CAMTA1: variants seen among roughly 807,000 people sequenced by gnomAD.
The protein encoded by CAMTA1 is calmodulin-binding transcription activator 1.
In CAMTA1, 27 loss-of-function variants were observed where a neutral mutation model predicts 170.9. That is an observed-to-expected ratio of 0.16 (90% confidence interval 0.12 to 0.22). The LOEUF (loss-of-function observed/expected upper bound fraction) is 0.22, where lower values mean the gene tolerates loss of function less well. Ranked by LOEUF, CAMTA1 falls within the 10% of genes least tolerant of loss-of-function variation. The pLI is 1.00. For missense variants in CAMTA1, 1,619 were observed against 2,217.2 expected (o/e 0.73, Z 5.42); for synonymous variants, 833 against 891.5 (o/e 0.93, Z 1.17).
At chr1:6,785,984 G>T (rs548482497) in intron 1 of CAMTA1, among the ~76,000 whole-genome samples, 1 of 151,174 alleles carries the variant, frequency 6.6e-6, no homozygotes, top group Non-Finnish European at 1.5e-5. Flanking sequence ...GGGGGCCGCG[G>T]GGCGGAAAGT....
intron 5 of CAMTA1, among the ~76,000 whole-genome samples, chr1:7,373,794 TTC>T (rs889712789): frequency 1.3e-5 from 2 of 152,234 alleles, no homozygotes; most frequent in African/African-American, 4.8e-5. Flanking sequence ...CATTTCATTG[TTC>T]TCAGTGCATG....
At chr1:6,839,242 C>T (rs1242361001) in intron 3 of CAMTA1, among the ~76,000 whole-genome samples, 1 of 151,816 alleles carries the variant, frequency 6.6e-6, no homozygotes, top group Non-Finnish European at 1.5e-5. Flanking sequence ...ATTAGCTGGG[C>T]ATGGTGGCAT....
At position 7,426,579 on chromosome 1, in the gene CAMTA1, C is replaced by T. The variant is rs564149486; in HGVS notation, c.439-41251C>T. 3.3e-5 allele frequency among the ~76,000 whole-genome samples: 5 copies of T among 152,222 alleles called. No homozygotes were observed. The highest frequency in any genetic ancestry group is 3.9e-4 in the East Asian group (2 of 5,168). On this transcript the variant is annotated intron_variant, in intron 5 of 22. Coordinates refer to ENST00000303635, the MANE Select transcript of CAMTA1 (RefSeq NM_015215.4). This position sits in a 1 kb window ranked among gnomAD's most constrained non-coding sequence, Gnocchi z 4.8. The stretch of plus-strand genomic sequence containing the variant: ...AAAAGATTAACTTTAGTGAAAGCTT[C>T]GAGGTTTGGCAAATCCATAATTAAT...
chr1:7,480,211 A>ATG (rs59134069), intron 6 of CAMTA1, among the ~76,000 whole-genome samples: 88,537 of 140,664 alleles, frequency 0.63, 27,446 homozygotes, highest in African/African-American at 0.79. Flanking sequence ...GTGTGAGTGC[A>ATG]TGTGTGTACG....
At chr1:7,109,961 G>T (rs1643912269) in intron 4 of CAMTA1, among the ~76,000 whole-genome samples, 1 of 152,166 alleles carries the variant, frequency 6.6e-6, no homozygotes, top group Non-Finnish European at 1.5e-5. Flanking sequence ...TCTTATGGGG[G>T]CAGATTTGGC....
intron 3 of CAMTA1, among the ~76,000 whole-genome samples, chr1:6,952,152 C>T (rs368865329): frequency 6.6e-6 from 1 of 152,078 alleles, no homozygotes; most frequent in Non-Finnish European, 1.5e-5. Context: ...TAACATAGGC[C>T]GGGCACGGTG....
chr1:7,625,799 T>A (rs1487418405), intron 6 of CAMTA1, among the ~76,000 whole-genome samples: 1 of 152,140 alleles, frequency 6.6e-6, no homozygotes, highest in Non-Finnish European at 1.5e-5. Flanking sequence ...CAAAGGCATG[T>A]GCTCTGGGAA....
chr1:7,541,519 C>G (rs1287533873), intron 6 of CAMTA1, among the ~76,000 whole-genome samples: 1 of 152,184 alleles, frequency 6.6e-6, no homozygotes, highest in African/African-American at 2.4e-5. Flanking sequence ...GTAATTGCTG[C>G]CCAAGGTGCA....
Position 7,036,729 on chromosome 1 carries a change from T to C in CAMTA1, c.235-54575T>C, listed in dbSNP as rs1172018019. Among the ~76,000 whole-genome samples, 3 of 152,236 alleles carry C rather than the reference T, an allele frequency of 2.0e-5. No individual in the cohort carries two copies. In the East Asian group the frequency reaches 5.8e-4, roughly 29 times the overall value. On this transcript the variant is annotated intron_variant, in intron 3 of 22. Transcript: ENST00000303635. ...CTTCTTCCAAACCTATTTTCGGGCATAGTTTGTTACGTTTCTGCTAAGCGA... is the reference window on the plus strand; with the variant it reads ...CTTCTTCCAAACCTATTTTCGGGCACAGTTTGTTACGTTTCTGCTAAGCGA...
intron 3 of CAMTA1, among the ~76,000 whole-genome samples, chr1:7,019,437 G>A (rs1449570269): frequency 2.0e-5 from 3 of 152,238 alleles, no homozygotes; most frequent in African/African-American, 7.2e-5. Context: ...TCCATGTGGA[G>A]AGGAGACACA....
At chr1:7,225,801 A>G (rs1661596345) in intron 4 of CAMTA1, among the ~76,000 whole-genome samples, 1 of 152,218 alleles carries the variant, frequency 6.6e-6, no homozygotes, top group Non-Finnish European at 1.5e-5. Context: ...TTCAGGGTCT[A>G]GTCTCCCTGC....
At position 7,745,879 on chromosome 1, in the gene CAMTA1, A is replaced by C; in HGVS notation, c.4405A>C (p.Asn1469His). Residue 1469 changes from asparagine to histidine, a missense_variant, in exon 18 of 23, where the codon AAT (asparagine) becomes CAT (histidine). By Grantham distance (68) the Asn-to-His change is moderately conservative (BLOSUM62 1). Coordinates refer to ENST00000303635, the MANE Select transcript of CAMTA1 (RefSeq NM_015215.4). ...AYNEPLTPSS[N>H]TSLSPVGSPV... The stretch of plus-strand genomic sequence containing the variant: ...TAACGAGCCTCTAACCCCTTCTTCT[A>C]ATACCAGCTTGAGCCCTGTTGGCTC... The C allele has an allele frequency of 1.9e-6, 3 of 1,614,188 alleles. No individual in the cohort carries two copies. Among genetic ancestry groups the C allele is most frequent in the Non-Finnish European group, 8.5e-7 (1 of 1,180,036 alleles).
chr1:7,028,923 AAGAC>A (rs1223848626), intron 3 of CAMTA1, among the ~76,000 whole-genome samples: 6 of 152,208 alleles, frequency 3.9e-5, no homozygotes, highest in South Asian at 2.1e-4. Flanking sequence ...GCAGAGTAAA[AAGAC>A]AGAGAGTGAT....
intron 11 of CAMTA1, among the ~76,000 whole-genome samples, chr1:7,727,186 G>A (rs1023324977): frequency 2.0e-5 from 3 of 148,628 alleles, no homozygotes; most frequent in African/African-American, 7.5e-5. Context: ...GCAGTGGCGC[G>A]ATCTCGGCTC....
chr1:7,027,626 C>T (rs750581878), intron 3 of CAMTA1, among the ~76,000 whole-genome samples: 6 of 152,092 alleles, frequency 3.9e-5, no homozygotes, highest in Admixed American at 2.6e-4. Context: ...GTTCAAAAGA[C>T]GGAAGCATGG....
rs1372022487 is a variant in CAMTA1 at position 7,680,855 on chromosome 1, C to CA, written c.2914+3122_2914+3123insA. On this transcript the variant is annotated intron_variant, in intron 11 of 22. Coordinates refer to ENST00000303635, the MANE Select transcript of CAMTA1 (RefSeq NM_015215.4). This position sits in a 1 kb window ranked among gnomAD's most constrained non-coding sequence, Gnocchi z 4.4. ...GGCGCAGAGAACACGCGCGCGCGCG[C>CA]GCGCGCCAGCAGCAGCAGCAGCAGC... Among the ~76,000 whole-genome samples, 3 of 87,854 alleles carry CA rather than the reference C, an allele frequency of 3.4e-5. No homozygotes were observed. The highest frequency in any genetic ancestry group is 6.7e-3 in the Middle Eastern group (1 of 150). 57.6% of individuals were successfully genotyped at this position (87,854 alleles called of 152,430 possible).
intron 4 of CAMTA1, among the ~76,000 whole-genome samples, chr1:7,102,869 G>A (rs1430969595): frequency 6.6e-6 from 1 of 152,104 alleles, no homozygotes; most frequent in Non-Finnish European, 1.5e-5. Context: ...GCGTGACACC[G>A]AACTGTCACC....
At chr1:6,986,992 C>T (rs1001121500) in intron 3 of CAMTA1, among the ~76,000 whole-genome samples, 1 of 152,072 alleles carries the variant, frequency 6.6e-6, no homozygotes, top group African/African-American at 2.4e-5. Context: ...CCAGGTTCCC[C>T]AGCCCCTCCG....
At chr1:7,589,579 C>T (rs1576267319) in intron 6 of CAMTA1, among the ~76,000 whole-genome samples, 1 of 152,166 alleles carries the variant, frequency 6.6e-6, no homozygotes, top group Non-Finnish European at 1.5e-5. Context: ...TGGTTGTCTC[C>T]GCTGGCTCCA....
Sources: allele counts gnomAD v4.1 joint callset (sites outside exome capture counted in the v4.1 genomes callset), GRCh38; gene constraint gnomAD v4.1.1; non-coding constraint Gnocchi (gnomAD v3.1); transcripts MANE v1.5; gene names NCBI Gene and HGNC (gene_info 2026-07-23, HGNC 2026-07-21).